The following CNTN5 variants were observed in gnomAD, a reference collection of about 807,000 sequenced individuals.
CNTN5 encodes contactin 5.
CNTN5 carries 77 observed loss-of-function variants against 129.1 expected under a neutral mutation model. The observed-to-expected ratio is 0.60, with a 90% CI of 0.50 to 0.72. CNTN5 has a LOEUF of 0.72. CNTN5 is among the 30% of genes least tolerant of loss of function. CNTN5 has a pLI of 0.00. For synonymous variants in CNTN5, 509 were observed against 465.6 expected (o/e 1.09, Z -1.20); for missense variants, 1,478 against 1,328.8 (o/e 1.11, Z -1.75).
chr11:99,033,745 T>C (rs1381610577), intron 1 of CNTN5, among the ~76,000 whole-genome samples: 1 of 152,060 alleles, frequency 6.6e-6, no homozygotes, highest in Non-Finnish European at 1.5e-5. Flanking sequence ...CTTTTCCTAA[T>C]TGAATACCCT....
At chr11:99,920,806 A>C (rs962371157) in intron 7 of CNTN5, among the ~76,000 whole-genome samples, 3 of 151,974 alleles carry the variant, frequency 2.0e-5, no homozygotes, top group African/African-American at 7.3e-5. Context: ...TTACCAAAAC[A>C]CTTGCCAACT....
intron 13 of CNTN5, among the ~76,000 whole-genome samples, chr11:100,148,253 T>C (rs17094433): frequency 0.071 from 10,834 of 152,284 alleles, 388 homozygotes; most frequent in Non-Finnish European, 0.082. Flanking sequence ...TGTTTGGTCT[T>C]GTACATATTG....
intron 7 of CNTN5, among the ~76,000 whole-genome samples, chr11:99,936,946 G>T (rs1433359905): frequency 6.6e-6 from 1 of 152,106 alleles, no homozygotes; most frequent in African/African-American, 2.4e-5. Flanking sequence ...AAACAACCAT[G>T]ATATCGATGG....
intron 1 of CNTN5, among the ~76,000 whole-genome samples, chr11:99,154,390 A>G (rs1460897449): frequency 6.6e-6 from 1 of 152,138 alleles, no homozygotes; most frequent in Non-Finnish European, 1.5e-5. Flanking sequence ...GGCAGCATGG[A>G]GAGACAGGGC....
chr11:99,571,264 C>T (rs1009122841), intron 3 of CNTN5, among the ~76,000 whole-genome samples: 1 of 152,116 alleles, frequency 6.6e-6, no homozygotes, highest in Non-Finnish European at 1.5e-5. Context: ...TATTTGTTAG[C>T]TTCATTATGA....
At chr11:100,135,544 T>C (rs1280704317) in intron 13 of CNTN5, among the ~76,000 whole-genome samples, 1 of 152,090 alleles carries the variant, frequency 6.6e-6, no homozygotes. Flanking sequence ...TACCATAAAA[T>C]TGTGAGAACT....
chr11:100,016,255 A>G (rs777456312), intron 9 of CNTN5, among the ~76,000 whole-genome samples: 63 of 152,124 alleles, frequency 4.1e-4, no homozygotes, highest in Non-Finnish European at 2.5e-4. Context: ...AAAGGCTGTT[A>G]TCTGAATTAC....
chr11:99,836,459 A>G (rs1362609249), intron 4 of CNTN5, among the ~76,000 whole-genome samples: 4 of 152,072 alleles, frequency 2.6e-5, no homozygotes, highest in Non-Finnish European at 4.4e-5. Flanking sequence ...ATGTCCCTAC[A>G]AAGGACATAA....
intron 23 of CNTN5, among the ~76,000 whole-genome samples, chr11:100,344,878 C>A (rs913788946): frequency 2.0e-5 from 3 of 151,816 alleles, no homozygotes; most frequent in African/African-American, 7.3e-5. Flanking sequence ...TGCATTAATA[C>A]CTCTAGGAAT....
At chr11:99,118,153 A>T (rs1452093422) in intron 1 of CNTN5, among the ~76,000 whole-genome samples, 1 of 152,202 alleles carries the variant, frequency 6.6e-6, no homozygotes. Context: ...GCATTAGCAA[A>T]TATTTAGAAA....
chr11:99,420,401 C>A (rs1942835896), intron 2 of CNTN5, among the ~76,000 whole-genome samples: 1 of 152,076 alleles, frequency 6.6e-6, no homozygotes, highest in Non-Finnish European at 1.5e-5. Context: ...GAAATTTTAG[C>A]TTAAAGTGAA....
chr11:100,079,216 T>G (rs1944264884), intron 13 of CNTN5, among the ~76,000 whole-genome samples: 1 of 152,292 alleles, frequency 6.6e-6, no homozygotes, highest in African/African-American at 2.4e-5. Context: ...ACACAAAGCC[T>G]AACCGTATTA....
chr11:99,970,312 A>G (rs1412300237), intron 8 of CNTN5, among the ~76,000 whole-genome samples: 1 of 152,236 alleles, frequency 6.6e-6, no homozygotes, highest in Non-Finnish European at 1.5e-5. Context: ...CATAAGTATA[A>G]TATCATAAAA....
intron 3 of CNTN5, among the ~76,000 whole-genome samples, chr11:99,808,144 C>T (rs980345851): frequency 3.9e-5 from 6 of 152,162 alleles, no homozygotes; most frequent in African/African-American, 1.4e-4. Flanking sequence ...GCATACATAA[C>T]TTAGCCAAGA....
intron 13 of CNTN5, among the ~76,000 whole-genome samples, chr11:100,099,811 G>C (rs1458324326): frequency 6.6e-6 from 1 of 151,806 alleles, no homozygotes; most frequent in Non-Finnish European, 1.5e-5. Context: ...TTAGTACATT[G>C]TTTCTACTAA....
At chr11:99,092,540 A>G (rs569549232) in intron 1 of CNTN5, among the ~76,000 whole-genome samples, 52 of 152,190 alleles carry the variant, frequency 3.4e-4, no homozygotes, top group African/African-American at 1.2e-3. Context: ...GAAAGAATGT[A>G]TGTAAAAGAA....
chr11:99,735,415 A>C (rs1041153147), intron 3 of CNTN5, among the ~76,000 whole-genome samples: 1 of 152,240 alleles, frequency 6.6e-6, no homozygotes, highest in Admixed American at 6.5e-5. Flanking sequence ...ACAGCAACAC[A>C]TAGACTATTT....
intron 2 of CNTN5, among the ~76,000 whole-genome samples, chr11:99,553,590 TA>T (rs547168327): frequency 6.6e-6 from 1 of 151,964 alleles, no homozygotes; most frequent in African/African-American, 2.4e-5. Flanking sequence ...TTATGTATTT[TA>T]AAAAAACCAA....
At chr11:100,121,222 CAATAA>C (rs766569725) in intron 13 of CNTN5, among the ~76,000 whole-genome samples, 16 of 151,820 alleles carry the variant, frequency 1.1e-4, no homozygotes, top group Non-Finnish European at 2.2e-4. Flanking sequence ...TGAAAAGGAG[CAATAA>C]ATTACTTCTA....
Sources: allele counts gnomAD v4.1 joint callset (sites outside exome capture counted in the v4.1 genomes callset), GRCh38; gene constraint gnomAD v4.1.1; transcripts MANE v1.5; gene names NCBI Gene and HGNC (gene_info 2026-07-23, HGNC 2026-07-21).